The following ANO3 variants were observed in gnomAD, a reference collection of about 807,000 sequenced individuals.
The protein encoded by ANO3 is anoctamin-3.
In ANO3, 99 loss-of-function variants were observed where a neutral mutation model predicts 144.8. The ratio of observed to expected loss-of-function variants is 0.68; its 90% CI spans 0.58 to 0.81. ANO3 has a LOEUF of 0.81. ANO3 is among the 30% of genes least tolerant of loss of function. ANO3 has a pLI of 0.00. For synonymous variants in ANO3, 414 were observed against 392.6 expected (o/e 1.05, Z -0.64); for missense variants, 905 against 1,202.2 (o/e 0.75, Z 3.66).
At chr11:26,622,906 G>A (rs2133004067) in intron 17 of ANO3, among the ~76,000 whole-genome samples, 1 of 152,322 alleles carries the variant, frequency 6.6e-6, no homozygotes, top group East Asian at 1.9e-4. Flanking sequence ...ACTCAACTCA[G>A]TGCTAGAGGC....
chr11:26,195,942 A>G (rs1851578626), intron 1 of ANO3, among the ~76,000 whole-genome samples: 1 of 152,234 alleles, frequency 6.6e-6, no homozygotes, highest in Admixed American at 6.5e-5. Flanking sequence ...GAAGGGGCCT[A>G]GAATACACAT....
At chr11:26,403,072 G>A (rs187398768) in intron 1 of ANO3, among the ~76,000 whole-genome samples, 265 of 151,746 alleles carry the variant, frequency 1.7e-3, no homozygotes, top group Non-Finnish European at 3.3e-3. Flanking sequence ...TTTTGTTTTT[G>A]TATACTTACC....
At chr11:26,208,302 G>C (rs1168561272) in intron 1 of ANO3, 1 of 152,130 alleles carries the variant, frequency 6.6e-6, no homozygotes, top group Non-Finnish European at 1.5e-5. Context: ...ACGAGGTCAG[G>C]AGATCGAGAC....
intron 1 of ANO3, among the ~76,000 whole-genome samples, chr11:26,214,496 G>C (rs373185861): frequency 1.3e-3 from 194 of 152,002 alleles, no homozygotes; most frequent in African/African-American, 4.4e-3. Context: ...GACATGTACG[G>C]CTGAATTCAG....
At chr11:26,617,199 C>T (rs1287835784) in intron 17 of ANO3, among the ~76,000 whole-genome samples, 1 of 152,212 alleles carries the variant, frequency 6.6e-6, no homozygotes, top group African/African-American at 2.4e-5. Context: ...TAAACTGTCA[C>T]TCTTCTCCAC....
At chr11:26,323,943 C>T (rs1002018900) in intron 1 of ANO3, among the ~76,000 whole-genome samples, 2 of 152,194 alleles carry the variant, frequency 1.3e-5, no homozygotes, top group African/African-American at 4.8e-5. Flanking sequence ...AACACAGTAG[C>T]TGTGAAAACC....
chr11:26,530,765 A>G (rs1250031639), intron 7 of ANO3, among the ~76,000 whole-genome samples: 1 of 152,128 alleles, frequency 6.6e-6, no homozygotes, highest in Non-Finnish European at 1.5e-5. Flanking sequence ...GCTACTTGGG[A>G]GGCTGAGGCA....
rs1857573752 is a variant in ANO3 at position 26,415,953 on chromosome 11, CT to C, written c.47-25962del. ...CTCCCTTGAGGTTTTTGACATTAGA[CT>C]TTGAATTGAATCGATTATTCTTAAA... On this transcript the variant is annotated intron_variant, in intron 1 of 26. Coordinates refer to ENST00000256737, the MANE Select transcript of ANO3 (RefSeq NM_031418.4). Among the ~76,000 whole-genome samples the C allele has an allele frequency of 1.3e-5, 2 of 152,028 alleles. 1 individual carries two copies. Among genetic ancestry groups the C allele is most frequent in the Admixed American group, 1.3e-4 (2 of 15,240 alleles).
At chr11:26,637,413 G>T (rs1852996591) in intron 20 of ANO3, among the ~76,000 whole-genome samples, 1 of 152,114 alleles carries the variant, frequency 6.6e-6, no homozygotes, top group Admixed American at 6.5e-5. Flanking sequence ...AAGAGCAATG[G>T]ATTGGGGAAA....
At chr11:26,642,834 A>C (rs1590669120) in intron 22 of ANO3, among the ~76,000 whole-genome samples, 1 of 124,906 alleles carries the variant, frequency 8.0e-6, no homozygotes, top group African/African-American at 2.8e-5. Flanking sequence ...TCCATCTCTT[A>C]TTCTTTCTTC....
chr11:26,205,876 A>G (rs1851786599), intron 1 of ANO3, among the ~76,000 whole-genome samples: 1 of 152,218 alleles, frequency 6.6e-6, no homozygotes, highest in South Asian at 2.1e-4. Context: ...AAAAGAAAAT[A>G]CAAAAGCCTT....
At chr11:26,656,267 T>A (rs1222754896) in intron 25 of ANO3, 62 bp downstream of exon 25, 18 of 1,508,360 alleles carry the variant, frequency 1.2e-5, no homozygotes, top group Admixed American at 1.7e-5. Context: ...CCCCTGCATG[T>A]TAATGAGGAC....
intron 14 of ANO3, among the ~76,000 whole-genome samples, chr11:26,576,682 A>G (rs72877823): frequency 6.6e-6 from 1 of 152,228 alleles, no homozygotes; most frequent in Admixed American, 6.5e-5. Context: ...ACTTATTGCC[A>G]TCTAACATAC....
At chr11:26,221,455 G>C (rs902538023) in intron 1 of ANO3, among the ~76,000 whole-genome samples, 2 of 152,192 alleles carry the variant, frequency 1.3e-5, no homozygotes, top group African/African-American at 2.4e-5. Context: ...GGGTGGGATT[G>C]TCTAACACAG....
At position 26,224,054 on chromosome 11, in the gene ANO3, C is replaced by T. The variant is rs374751365; in HGVS notation, c.154+34724C>T. The stretch of plus-strand genomic sequence containing the variant: ...GGCTAAGTTGGTGTAACGACCCAAT[C>T]TCTATTCCTGTTCTTCTGCCACTGC... On this transcript the variant is annotated intron_variant, in intron 1 of 27. Coordinates refer to the ANO3 transcript ENST00000672621. Among the ~76,000 whole-genome samples, 191 of 152,320 alleles carry T rather than the reference C, an allele frequency of 1.3e-3. 3 individuals are homozygous for T. In the South Asian group the frequency reaches 0.038, roughly 30 times the overall value.
intron 1 of ANO3, among the ~76,000 whole-genome samples, chr11:26,271,546 T>G (rs1853438608): frequency 6.6e-6 from 1 of 152,214 alleles, no homozygotes. Context: ...TTGTATTTAT[T>G]TCTTTTATTT....
In ANO3 at chr11:26,655,998, G is replaced by T; in HGVS notation, c.2577-127G>T. 5.6e-6 allele frequency: 4 copies of T among 720,696 alleles called. No homozygotes were observed. The South Asian group carries it at 7.8e-5, about 14-fold the overall frequency. The allele number at this position is 720,696 out of a possible 1,614,324, so 44.6% of individuals were successfully genotyped here. A position where few individuals can be genotyped will look rare whatever the true frequency, so the allele number is the denominator to read the frequency against. ...TTAGGGAATGGAATAAAAGAGCTTG[G>T]TTGCTAAAAGTTTATCATTAGAATG... On this transcript the variant is annotated intron_variant, in intron 24 of 26. Transcript: ENST00000256737.
chr11:26,227,944 G>T (rs1261549771), intron 1 of ANO3, among the ~76,000 whole-genome samples: 1 of 152,126 alleles, frequency 6.6e-6, no homozygotes, highest in Non-Finnish European at 1.5e-5. Context: ...AAAAAAAGTG[G>T]CATAAAGTTT....
At chr11:26,410,263 A>G (rs143893892) in intron 1 of ANO3, among the ~76,000 whole-genome samples, 187 of 152,110 alleles carry the variant, frequency 1.2e-3, no homozygotes, top group African/African-American at 4.4e-3. Flanking sequence ...AGGCCTTACA[A>G]TATAACAGCT....
Sources: allele counts gnomAD v4.1 joint callset (sites outside exome capture counted in the v4.1 genomes callset), GRCh38; gene constraint gnomAD v4.1.1; transcripts MANE v1.5; gene names NCBI Gene and HGNC (gene_info 2026-07-23, HGNC 2026-07-21).